Variants in MEGF10 observed in about 807,000 individuals in gnomAD.
The protein encoded by MEGF10 is multiple epidermal growth factor-like domains protein 10.
Under a neutral mutation model 147.5 loss-of-function variants are expected in MEGF10, and 86 were observed. The ratio of observed to expected loss-of-function variants is 0.58; its 90% CI spans 0.49 to 0.70. MEGF10 has a LOEUF of 0.70. Among genes scored for constraint, MEGF10 ranks in the 30% least tolerant of loss-of-function variants. MEGF10 has a pLI of 0.00. For missense variants in MEGF10, 1,329 were observed against 1,487.3 expected (o/e 0.89, Z 1.75); for synonymous variants, 478 against 525.5 (o/e 0.91, Z 1.24).
At chr5:127,369,541 G>A (rs1762776316) in intron 4 of MEGF10, among the ~76,000 whole-genome samples, 1 of 152,148 alleles carries the variant, frequency 6.6e-6, no homozygotes, top group South Asian at 2.1e-4. Context: ...CTGAGGCCCT[G>A]ATATCTTGCT....
At chr5:127,290,075 C>T (rs1759171245), upstream of MEGF10, among the ~76,000 whole-genome samples, 2 of 152,178 alleles carry the variant, frequency 1.3e-5, no homozygotes, top group Non-Finnish European at 2.9e-5. Context: ...CATTCCATCA[C>T]TGGGCCTCCC....
the MEGF10 span, among the ~76,000 whole-genome samples, chr5:127,251,088 A>G: frequency 2.0e-5 from 3 of 152,098 alleles, no homozygotes; most frequent in Non-Finnish European, 4.4e-5. Context: ...TTATTTATGA[A>G]ACTTAACATG....
At chr5:127,386,120 A>C (rs1763422512) in intron 5 of MEGF10, among the ~76,000 whole-genome samples, 1 of 152,156 alleles carries the variant, frequency 6.6e-6, no homozygotes. Flanking sequence ...AAAACAAACA[A>C]ACAAAACAAA....
chr5:127,417,919 C>A, intron 10 of MEGF10, 107 bp downstream of exon 10: 1 of 1,106,190 alleles, frequency 9.0e-7, no homozygotes, highest in Non-Finnish European at 1.3e-6. Context: ...GTGCTAAAGT[C>A]ATCCACATCA....
In MEGF10 at chr5:127,331,472, T is replaced by G. The variant is rs200248982; in HGVS notation, c.116+48T>G. ...GACAAAGAATTGCTGAGAAGTTCCC[T>G]TATATACTGTAATTATCAGTCAGAT... is the stretch of plus-strand genomic sequence containing the variant. On this transcript the variant is annotated intron_variant, in intron 2 of 24. Transcript: ENST00000503335. 172 of 1,008,926 alleles carry G rather than the reference T, an allele frequency of 1.7e-4. No individual in the cohort carries two copies. The African/African-American group carries it at 2.6e-3, about 15-fold the overall frequency. The allele number at this position is 1,008,926 out of a possible 1,614,324, so 62.5% of individuals were successfully genotyped here. A position where few individuals can be genotyped will look rare whatever the true frequency, so the allele number is the denominator to read the frequency against.
intron 22 of MEGF10, among the ~76,000 whole-genome samples, chr5:127,453,309 G>T (rs1427767326): frequency 6.6e-6 from 1 of 152,092 alleles, no homozygotes; most frequent in Admixed American, 6.6e-5. Context: ...CACCCACCTT[G>T]GCCTCCCAAA....
chr5:127,375,500 T>C (rs1295337449), intron 5 of MEGF10, among the ~76,000 whole-genome samples: 1 of 152,262 alleles, frequency 6.6e-6, no homozygotes, highest in African/African-American at 2.4e-5. Flanking sequence ...ATATTCCTTC[T>C]TTTTAAATTT....
At chr5:127,444,376 A>G (rs1007572118) in intron 19 of MEGF10, 2 of 152,260 alleles carry the variant, frequency 1.3e-5, no homozygotes, top group African/African-American at 4.8e-5. Flanking sequence ...TTATCACGTC[A>G]TAATTACAAA....
At chr5:127,367,083 A>G (rs1480620220) in intron 4 of MEGF10, among the ~76,000 whole-genome samples, 1 of 152,184 alleles carries the variant, frequency 6.6e-6, no homozygotes, top group South Asian at 2.1e-4. Context: ...GTGGAACTCA[A>G]TTGGTGTCAT....
chr5:127,343,871 G>T (rs1761776485), intron 4 of MEGF10, among the ~76,000 whole-genome samples: 1 of 152,158 alleles, frequency 6.6e-6, no homozygotes, highest in Non-Finnish European at 1.5e-5. Flanking sequence ...GATTGAGGAA[G>T]GGGAGCTGAG....
chr5:127,431,397 T>G (rs890825434), intron 13 of MEGF10, among the ~76,000 whole-genome samples: 4 of 152,196 alleles, frequency 2.6e-5, no homozygotes, highest in African/African-American at 9.6e-5. Flanking sequence ...CTGAATTTAT[T>G]AAGTGCAATT....
intron 4 of MEGF10, among the ~76,000 whole-genome samples, chr5:127,359,752 A>C (rs1384555039): frequency 6.6e-6 from 1 of 152,120 alleles, no homozygotes; most frequent in Admixed American, 6.6e-5. Context: ...TTGTATAGCT[A>C]TACCACAATT....
At chr5:127,311,982 G>A (rs531983964) in intron 1 of MEGF10, among the ~76,000 whole-genome samples, 9 of 152,236 alleles carry the variant, frequency 5.9e-5, no homozygotes, top group Admixed American at 2.6e-4. Flanking sequence ...CATAATTACC[G>A]CAGGAGCTAG....
chr5:127,422,280 G>C (rs1031202620), intron 12 of MEGF10, among the ~76,000 whole-genome samples: 1 of 152,120 alleles, frequency 6.6e-6, no homozygotes, highest in African/African-American at 2.4e-5. Context: ...AAACACTTTG[G>C]GAGGCTGAGG....
At chr5:127,373,025 G>GTAAGGAAGGTAATA (rs1762899729) in intron 5 of MEGF10, among the ~76,000 whole-genome samples, 1 of 152,136 alleles carries the variant, frequency 6.6e-6, no homozygotes, top group Non-Finnish European at 1.5e-5. Context: ...TTCTTCTCCT[G>GTAAGGAAGGTAATA]CATTTATTCA....
intron 3 of MEGF10, 105 bp downstream of exon 3, chr5:127,339,326 G>A (rs187819738): frequency 9.9e-5 from 72 of 727,738 alleles, no homozygotes; most frequent in Admixed American, 2.3e-4. Context: ...TCAGTGAATA[G>A]GTATTGAGGG....
chr5:127,269,328 T>C, the MEGF10 span, among the ~76,000 whole-genome samples: 3 of 152,222 alleles, frequency 2.0e-5, no homozygotes, highest in East Asian at 5.8e-4. Flanking sequence ...GCAAAGAAGT[T>C]AAAAACCTCG....
chr5:127,354,990 T>G lies in MEGF10; in HGVS notation c.319+14360T>G, dbSNP rs1242204897. 5.3e-5 allele frequency among the ~76,000 whole-genome samples: 8 copies of G among 152,216 alleles called. No homozygotes were observed. The South Asian group carries it at 1.4e-3, about 28-fold the overall frequency. On this transcript the variant is annotated intron_variant, in intron 4 of 24. Transcript: ENST00000503335. ...TTTCTTTCCCTACCTTACAATTATGTGAGGACACATTTAATTATTTATCCT... is the reference window on the plus strand; with the variant it reads ...TTTCTTTCCCTACCTTACAATTATGGGAGGACACATTTAATTATTTATCCT...
At chr5:127,374,220 T>G (rs1219408894) in intron 5 of MEGF10, among the ~76,000 whole-genome samples, 1 of 152,230 alleles carries the variant, frequency 6.6e-6, no homozygotes, top group Non-Finnish European at 1.5e-5. Flanking sequence ...TTGCAGAAGC[T>G]TGGTGCTTTA....
Sources: allele counts gnomAD v4.1 joint callset (sites outside exome capture counted in the v4.1 genomes callset), GRCh38; gene constraint gnomAD v4.1.1; transcripts MANE v1.5; gene names NCBI Gene and HGNC (gene_info 2026-07-23, HGNC 2026-07-21).